The following FGF1 variants were observed in gnomAD, a reference collection of about 807,000 sequenced individuals.
FGF1 encodes fibroblast growth factor 1, also known as beta-endothelial cell growth factor.
Under a neutral mutation model 13.4 loss-of-function variants are expected in FGF1, and 9 were observed. The ratio of observed to expected loss-of-function variants is 0.67; its 90% CI spans 0.40 to 1.17. The LOEUF (loss-of-function observed/expected upper bound fraction) is 1.17, where lower values mean the gene tolerates loss of function less well. Ranked by LOEUF, FGF1 falls within the 50% of genes most tolerant of loss-of-function variation. The probability of loss-of-function intolerance (pLI) is 0.01; values close to 1 mark genes in which losing one functional copy is unlikely to be tolerated. For missense variants in FGF1, 156 were observed against 192.7 expected (o/e 0.81, Z 1.13); for synonymous variants, 93 against 79.0 (o/e 1.18, Z -0.94).
At chr5:142,643,378 CTTCT>C (rs1201415307) in intron 1 of FGF1, among the ~76,000 whole-genome samples, 1 of 151,938 alleles carries the variant, frequency 6.6e-6, no homozygotes, top group Non-Finnish European at 1.5e-5. Context: ...TTTTTGTTTT[CTTCT>C]TTATGTTTTT....
intron 1 of FGF1, among the ~76,000 whole-genome samples, chr5:142,629,106 A>G (rs1279444691): frequency 6.6e-6 from 1 of 152,160 alleles, no homozygotes; most frequent in Non-Finnish European, 1.5e-5. Context: ...TCCAGTTACT[A>G]GATTGTAAAA....
chr5:142,665,535 G>A (rs1275267021), intron 1 of FGF1, among the ~76,000 whole-genome samples: 1 of 152,054 alleles, frequency 6.6e-6, no homozygotes, highest in Admixed American at 6.6e-5. Context: ...TCATCTTCCT[G>A]TCTCCTCTCC....
intron 2 of FGF1, among the ~76,000 whole-genome samples, chr5:142,613,319 G>A (rs1043522053): frequency 4.6e-5 from 7 of 152,166 alleles, no homozygotes; most frequent in African/African-American, 1.7e-4. Context: ...TCTGAGAACC[G>A]GGCTGCCAGG....
Position 142,606,212 on chromosome 5 carries a change from C to CTGTGTGTGTG in FGF1, c.170-5408_170-5407insCACACACACA, listed in dbSNP as rs1430289422. Among the ~76,000 whole-genome samples the CTGTGTGTGTG allele has an allele frequency of 6.0e-3, 359 of 60,064 alleles. 2 individuals carry two copies. Among genetic ancestry groups the CTGTGTGTGTG allele is most frequent in the African/African-American group, 0.031 (340 of 11,048 alleles). 39.4% of individuals were successfully genotyped at this position (60,064 alleles called of 152,430 possible). On this transcript the variant is annotated intron_variant, in intron 2 of 3. Transcript: ENST00000337706. ...AAGCACAAAATCTGCAACATTCTTT[C>CTGTGTGTGTG]TCTCTCTGTGTGTGTGTGTGTGTGT... is the stretch of plus-strand genomic sequence containing the variant.
intron 1 of FGF1, among the ~76,000 whole-genome samples, chr5:142,622,759 C>T (rs1761858901): frequency 6.6e-6 from 1 of 152,204 alleles, no homozygotes; most frequent in Non-Finnish European, 1.5e-5. Flanking sequence ...GCAGTGTGTT[C>T]TTTGCTTTCT....
intron 1 of FGF1, chr5:142,644,229 C>T (rs1765648507): frequency 6.6e-6 from 1 of 152,274 alleles, no homozygotes; most frequent in Admixed American, 6.5e-5. Flanking sequence ...GCCTGGTTGC[C>T]TCACTGAGTT....
At chr5:142,675,089 C>A (rs1772270713) in intron 1 of FGF1, among the ~76,000 whole-genome samples, 1 of 152,310 alleles carries the variant, frequency 6.6e-6, no homozygotes, top group African/African-American at 2.4e-5. Flanking sequence ...TTAGAAACAA[C>A]CCGGCCATCG....
intron 1 of FGF1, among the ~76,000 whole-genome samples, chr5:142,666,480 A>C (rs1269277495): frequency 1.3e-5 from 2 of 152,214 alleles, no homozygotes; most frequent in Non-Finnish European, 2.9e-5. Flanking sequence ...CAAGAATCCC[A>C]ACATTTACTT....
intron 1 of FGF1, among the ~76,000 whole-genome samples, chr5:142,652,422 G>T (rs1767422284): frequency 1.3e-5 from 2 of 152,196 alleles, no homozygotes; most frequent in African/African-American, 4.8e-5. Flanking sequence ...GAAGCCTTGG[G>T]TGATGGAGGC....
At chr5:142,657,359 C>T (rs915825013) in intron 1 of FGF1, among the ~76,000 whole-genome samples, 4 of 152,188 alleles carry the variant, frequency 2.6e-5, no homozygotes, top group Non-Finnish European at 4.4e-5. Flanking sequence ...CACCTGCTCC[C>T]GCCCCGTTCT....
At chr5:142,686,271 T>A (rs924697967), upstream of FGF1, 1 of 152,068 alleles carries the variant, frequency 6.6e-6, no homozygotes, top group Admixed American at 6.6e-5. Flanking sequence ...TGTTTATCAG[T>A]AGAGGGGACC....
chr5:142,631,869 C>T (rs561491137), intron 1 of FGF1, among the ~76,000 whole-genome samples: 5 of 150,652 alleles, frequency 3.3e-5, no homozygotes, highest in South Asian at 2.1e-4. Context: ...CTGCAAGCTC[C>T]GCCTCCTGGG....
Position 142,692,168 on chromosome 5 carries a change from C to CA in FGF1, c.-35+5453dup, listed in dbSNP as rs149177585. On this transcript the variant is annotated intron_variant, in intron 2 of 4. Coordinates refer to the FGF1 transcript ENST00000407758. ...CAACATGATGAAACCCCTTCTCTACCAAAAAAAACCCCACAAAAATTAGCT... is the reference window on the plus strand; with the variant it reads ...CAACATGATGAAACCCCTTCTCTACCAAAAAAAAACCCCACAAAAATTAGCT... Among the ~76,000 whole-genome samples, 816 of 151,758 alleles carry CA rather than the reference C, an allele frequency of 5.4e-3. 5 individuals carry two copies. Among genetic ancestry groups the CA allele is most frequent in the Middle Eastern group, 0.01 (3 of 294 alleles).
chr5:142,613,992 CTGTGCCATCCGG>C lies in FGF1; in HGVS notation c.124_135del (p.Pro42_Thr45del). 1.2e-6 allele frequency: 2 copies of C among 1,614,124 alleles called. No homozygotes were observed. The highest frequency in any genetic ancestry group is 1.7e-6 in the Non-Finnish European group (2 of 1,180,012). ...TCGCTCCTGTCCCTTGTCCCATCCA[CTGTGCCATCCGG>C]AAGGATCCTCAGGAAGTGGCCCCCG... is the stretch of plus-strand genomic sequence containing the variant. On this transcript the variant is annotated inframe_deletion, in exon 2 of 4. Transcript: ENST00000337706.
intron 2 of FGF1, among the ~76,000 whole-genome samples, chr5:142,608,102 T>C (rs1758082741): frequency 1.3e-5 from 2 of 152,218 alleles, no homozygotes; most frequent in Non-Finnish European, 2.9e-5. Flanking sequence ...ACCCTGTTTC[T>C]GAGCCCCAAG....
At position 142,600,818 on chromosome 5, in the gene FGF1, T is replaced by C. The variant is rs1290760482; in HGVS notation, c.170-13A>G. 1 of 1,588,104 alleles carries C rather than the reference T, an allele frequency of 6.3e-7. No individual in the cohort carries two copies. The highest frequency in any genetic ancestry group is 1.3e-5 in the African/African-American group (1 of 74,198). ...AGCTGCAGCTGAACTGGAATAAAAATAACACGAGCAAAAGTAAATAAACAC... is the reference window on the plus strand; with the variant it reads ...AGCTGCAGCTGAACTGGAATAAAAACAACACGAGCAAAAGTAAATAAACAC... On this transcript the variant is annotated splice_polypyrimidine_tract_variant and intron_variant, in intron 2 of 3. Coordinates refer to ENST00000337706, the MANE Select transcript of FGF1 (RefSeq NM_000800.5).
intron 1 of FGF1, among the ~76,000 whole-genome samples, chr5:142,618,929 GTT>G (rs869093279): frequency 4.9e-5 from 3 of 61,250 alleles, no homozygotes; most frequent in East Asian, 1.2e-3. Flanking sequence ...TAGTTGTTTT[GTT>G]TTTTTTTTTT....
At chr5:142,602,729 G>A (rs1449478681) in intron 2 of FGF1, among the ~76,000 whole-genome samples, 2 of 147,864 alleles carry the variant, frequency 1.4e-5, no homozygotes, top group Non-Finnish European at 3.0e-5. Flanking sequence ...TTTTTTTTTT[G>A]CTTAACAACT....
At chr5:142,684,989 G>T (rs1774419797) in intron 1 of FGF1, among the ~76,000 whole-genome samples, 1 of 152,232 alleles carries the variant, frequency 6.6e-6, no homozygotes, top group African/African-American at 2.4e-5. Flanking sequence ...AGAGAATAAT[G>T]GAGTGTTTGA....
Sources: gnomAD v4.1 joint callset for allele counts (sites outside exome capture counted in the v4.1 genomes callset) on GRCh38, gnomAD v4.1.1 for gene constraint, MANE v1.5 for transcripts, NCBI Gene and HGNC (gene_info 2026-07-23, HGNC 2026-07-21) for gene names.